SOX5: variants seen among roughly 807,000 people sequenced by gnomAD.
SOX5 encodes SRY-box transcription factor 5, also known as transcription factor SOX-5.
Under a neutral mutation model 92.0 loss-of-function variants are expected in SOX5, and 9 were observed. That is an observed-to-expected ratio of 0.10 (90% CI 0.06 to 0.17). The LOEUF (loss-of-function observed/expected upper bound fraction) is 0.17. Among genes scored for constraint, SOX5 ranks in the 10% least tolerant of loss-of-function variants. The probability of loss-of-function intolerance (pLI) is 1.00; values close to 1 mark genes in which losing one functional copy is unlikely to be tolerated. For synonymous variants in SOX5, 344 were observed against 336.3 expected (o/e 1.02, Z -0.25); for missense variants, 642 against 944.5 (o/e 0.68, Z 4.20).
chr12:23,685,767 C>A (rs2087447180), intron 6 of SOX5, among the ~76,000 whole-genome samples: 1 of 152,048 alleles, frequency 6.6e-6, no homozygotes, highest in Non-Finnish European at 1.5e-5. Flanking sequence ...CTCCATGGAC[C>A]CCATGAGGTA....
intron 1 of SOX5, among the ~76,000 whole-genome samples, chr12:24,399,571 G>A (rs1188510719): frequency 6.6e-6 from 1 of 152,108 alleles, no homozygotes; most frequent in Non-Finnish European, 1.5e-5. Flanking sequence ...AAAGTATAAT[G>A]AAAATGTGGA....
chr12:24,530,850 T>C (rs1951134384), intron 1 of SOX5, among the ~76,000 whole-genome samples: 4 of 152,176 alleles, frequency 2.6e-5, no homozygotes, highest in Admixed American at 2.6e-4. Flanking sequence ...TTACTCATTG[T>C]AGTGGAGAAT....
chr12:23,979,722 T>TG (rs1195155777), intron 4 of SOX5, among the ~76,000 whole-genome samples: 54 of 119,270 alleles, frequency 4.5e-4, no homozygotes, highest in South Asian at 6.2e-4. Flanking sequence ...TTTTTTTTTT[T>TG]TTTTTTTTTT....
chr12:24,172,810 T>C (rs1454754793), intron 4 of SOX5, among the ~76,000 whole-genome samples: 1 of 151,784 alleles, frequency 6.6e-6, no homozygotes, highest in Admixed American at 6.6e-5. Context: ...TAAAAGAGAG[T>C]CAATTAGGCT....
intron 4 of SOX5, among the ~76,000 whole-genome samples, chr12:23,996,805 G>A (rs186341033): frequency 6.6e-6 from 1 of 152,312 alleles, no homozygotes; most frequent in African/African-American, 2.4e-5. Flanking sequence ...GGTTTGTGTT[G>A]CCAGGGTCTA....
At chr12:23,817,331 C>G (rs993704475) in intron 3 of SOX5, among the ~76,000 whole-genome samples, 3 of 152,182 alleles carry the variant, frequency 2.0e-5, no homozygotes, top group African/African-American at 7.2e-5. Flanking sequence ...ATAATATCCT[C>G]TACTCTTTAA....
rs1029592046 is a variant in SOX5, at chr12:24,241,057, TCA to T, written c.-76-27642_-76-27641del. ...TTTGATGTACTATGAATTCCCTCTC[TCA>T]GTTTTTATAACTCTAGAAGAGTAGA... is the stretch of plus-strand genomic sequence containing the variant. On this transcript the variant is annotated intron_variant, in intron 3 of 4. Transcript: ENST00000446891. Among the ~76,000 whole-genome samples, 4 of 152,132 alleles carry T rather than the reference TCA, an allele frequency of 2.6e-5. No homozygotes were observed. The East Asian group carries it at 5.8e-4, about 22-fold the overall frequency.
chr12:24,539,544 C>T lies in SOX5; in HGVS notation c.-251+22785G>A, dbSNP rs76568551. Among the ~76,000 whole-genome samples, 348 of 152,128 alleles carry T rather than the reference C, an allele frequency of 2.3e-3. 1 individual carries two copies. The highest frequency in any genetic ancestry group is 7.9e-3 in the African/African-American group (326 of 41,528). On this transcript the variant is annotated intron_variant, in intron 1 of 4. Transcript: ENST00000446891. ...TTCTTAAAATATAGACATTTGATCC[C>T]TATTGTAATGCACTAAAGCTGGAAG...
rs539811778 is a variant in SOX5, at chr12:23,535,452, TTAA to T, written c.1989-933_1989-931del. Among the ~76,000 whole-genome samples, 39 of 152,364 alleles carry T rather than the reference TTAA, an allele frequency of 2.6e-4. No homozygotes were observed. In the South Asian group the frequency reaches 7.9e-3, roughly 31 times the overall value. On this transcript the variant is annotated intron_variant, in intron 14 of 14. Transcript: ENST00000451604. ...TTGTGCTGCCACAGACTTGAAATTC[TTAA>T]TAACTTTTTAACAAGAGACCCTGTC...
chr12:23,739,528 C>T (rs895955173), intron 5 of SOX5, among the ~76,000 whole-genome samples: 12 of 152,104 alleles, frequency 7.9e-5, no homozygotes, highest in African/African-American at 2.9e-4. Flanking sequence ...TTAAAATCTC[C>T]GTTTTGTTTC....
intron 4 of SOX5, among the ~76,000 whole-genome samples, chr12:24,072,342 G>A (rs1010263200): frequency 6.6e-6 from 1 of 152,084 alleles, no homozygotes; most frequent in Non-Finnish European, 1.5e-5. Context: ...AAAACAGATT[G>A]TCATATAAAA....
chr12:23,890,952 A>G (rs1173723714), intron 2 of SOX5, among the ~76,000 whole-genome samples: 1 of 152,242 alleles, frequency 6.6e-6, no homozygotes, highest in Admixed American at 6.5e-5. Context: ...CGAAGATTAT[A>G]TGAGAATCAA....
In SOX5 at chr12:24,022,060, GCTAT is replaced by G. The variant is rs370343894; in HGVS notation, c.-1-126040_-1-126037del. On this transcript the variant is annotated intron_variant, in intron 4 of 4. Coordinates refer to the SOX5 transcript ENST00000446891. ...CTATGCTAGGCACTGGAGATAAAATGCTATCTAATAGCAGACAACATTCTTGCTG... is the reference window on the plus strand; with the variant it reads ...CTATGCTAGGCACTGGAGATAAAATGCTAATAGCAGACAACATTCTTGCTG... Among the ~76,000 whole-genome samples the G allele has an allele frequency of 3.9e-3, 595 of 152,284 alleles. 4 individuals are homozygous for G. The highest frequency in any genetic ancestry group is 0.014 in the African/African-American group (569 of 41,560).
Position 23,534,463 on chromosome 12 carries a change from A to G in SOX5, c.2048T>C (p.Met683Thr). The change falls in exon 15 of 15, where the codon ATG (methionine) becomes ACG (threonine). Residue 683 changes from methionine to threonine, a missense_variant. Met to Thr is a moderately conservative substitution (Grantham distance 81). Coordinates refer to ENST00000451604, the MANE Select transcript of SOX5 (RefSeq NM_006940.6). ...CAGGTGAGGGGAGGGCATCCCAGCCATGGCGATGGCTCCAGGGTACACAAC... is the reference window on the plus strand; with the variant it reads ...CAGGTGAGGGGAGGGCATCCCAGCCGTGGCGATGGCTCCAGGGTACACAAC... ...AGVVYPGAIA[M>T]AGMPSPHLPS... 1 of 1,614,040 alleles carries G rather than the reference A, an allele frequency of 6.2e-7. No individual in the cohort carries two copies. The highest frequency in any genetic ancestry group is 8.5e-7 in the Non-Finnish European group (1 of 1,180,004).
chr12:24,033,328 A>G (rs1448612269), intron 4 of SOX5, among the ~76,000 whole-genome samples: 1 of 151,986 alleles, frequency 6.6e-6, no homozygotes, highest in Non-Finnish European at 1.5e-5. Context: ...ATTTTAATGA[A>G]ATATTTATTT....
At chr12:23,693,893 C>A (rs1052269389) in intron 6 of SOX5, among the ~76,000 whole-genome samples, 1 of 152,092 alleles carries the variant, frequency 6.6e-6, no homozygotes, top group African/African-American at 2.4e-5. Context: ...AAACTTCAAC[C>A]TCTACTTTCC....
intron 4 of SOX5, among the ~76,000 whole-genome samples, chr12:24,095,154 G>C (rs1029764155): frequency 2.0e-5 from 3 of 149,568 alleles, no homozygotes; most frequent in Non-Finnish European, 4.5e-5. Flanking sequence ...GAGAGAGAGA[G>C]AGACAGAGAC....
At chr12:23,723,528 G>A (rs2092937106) in intron 6 of SOX5, among the ~76,000 whole-genome samples, 1 of 149,032 alleles carries the variant, frequency 6.7e-6, no homozygotes, top group South Asian at 2.1e-4. Context: ...AATTAAAAAG[G>A]TATTCAGAAC....
At chr12:24,161,826 G>A (rs4270010) in intron 4 of SOX5, among the ~76,000 whole-genome samples, 150,016 of 152,174 alleles carry the variant, frequency 0.99, 73,964 homozygotes, top group Middle Eastern at 1. Flanking sequence ...CTGGAGTCAT[G>A]TAGTATCCAA....
Sources: gnomAD v4.1 joint callset for allele counts (sites outside exome capture counted in the v4.1 genomes callset) on GRCh38, gnomAD v4.1.1 for gene constraint, MANE v1.5 for transcripts, NCBI Gene and HGNC (gene_info 2026-07-23, HGNC 2026-07-21) for gene names.